The following POLR2D variants were observed in gnomAD, a reference collection of about 807,000 sequenced individuals.
POLR2D encodes RNA polymerase II subunit D.
POLR2D carries 10 observed loss-of-function variants against 17.6 expected under a neutral mutation model. The observed-to-expected ratio is 0.57, with a 90% confidence interval of 0.35 to 0.96. The LOEUF is 0.96. Ranked by LOEUF, POLR2D falls within the 40% of genes least tolerant of loss-of-function variation. The pLI, the probability that POLR2D is intolerant of heterozygous loss-of-function variation, is 0.02. For missense variants in POLR2D, 126 were observed against 176.4 expected (o/e 0.71, Z 1.62); for synonymous variants, 52 against 60.2 (o/e 0.86, Z 0.63).
chr2:127,856,073 A>C (rs1201362115), intron 1 of POLR2D, among the ~76,000 whole-genome samples: 1 of 151,970 alleles, frequency 6.6e-6, no homozygotes. Context: ...ACCTGAGCCC[A>C]GGAGTTCAAG....
intron 1 of POLR2D, among the ~76,000 whole-genome samples, chr2:127,856,021 C>G (rs1435226340): frequency 1.3e-5 from 2 of 152,072 alleles, no homozygotes; most frequent in African/African-American, 4.8e-5. Flanking sequence ...GTGGCTCACA[C>G]CTATACTTTC....
At position 127,843,792 on chromosome 2, in the gene POLR2D, T is replaced by A. The variant is rs561545711; in HGVS notation, c.*4315A>T. 2.0e-5 allele frequency: 3 copies of A among 153,740 alleles called. No homozygotes were observed. The South Asian group carries it at 6.2e-4, about 32-fold the overall frequency. 9.5% of individuals were successfully genotyped at this position (153,740 alleles called of 1,614,324 possible). ...TTAAGTCATGAGAGAATATCCCTCATGAAGGGGATTAATGCCCTTATAAAA... is the reference window on the plus strand; with the variant it reads ...TTAAGTCATGAGAGAATATCCCTCAAGAAGGGGATTAATGCCCTTATAAAA... On this transcript the variant is annotated 3_prime_UTR_variant, in exon 4 of 4. Transcript: ENST00000272645.
intron 3 of POLR2D, among the ~76,000 whole-genome samples, chr2:127,848,745 T>C (rs1235021722): frequency 2.0e-5 from 3 of 152,152 alleles, no homozygotes; most frequent in Non-Finnish European, 2.9e-5. Context: ...CTCGATCTCC[T>C]GACCTCGTGA....
intron 1 of POLR2D, among the ~76,000 whole-genome samples, chr2:127,855,176 C>T (rs1205128690): frequency 6.6e-6 from 1 of 151,924 alleles, no homozygotes; most frequent in Non-Finnish European, 1.5e-5. Context: ...GCAGGTGAAT[C>T]ACCTGAGGTC....
chr2:127,855,900 T>C (rs955474957), intron 1 of POLR2D, among the ~76,000 whole-genome samples: 14 of 152,136 alleles, frequency 9.2e-5, no homozygotes, highest in African/African-American at 2.9e-4. Flanking sequence ...TTAAGAACAA[T>C]GGCCATAATT....
chr2:127,857,107 G>A (rs1228303322), intron 1 of POLR2D: 1 of 152,176 alleles, frequency 6.6e-6, no homozygotes, highest in Non-Finnish European at 1.5e-5. Context: ...AAGCCCAGGA[G>A]TTTGAGACCA....
chr2:127,850,440 CAAAAAA>C (rs60975701), intron 3 of POLR2D, 144 bp downstream of exon 3: 346 of 108,348 alleles, frequency 3.2e-3, no homozygotes, highest in South Asian at 5.3e-3. Flanking sequence ...AACTCCGTCT[CAAAAAA>C]AAAAAAAAAA....
At position 127,845,926 on chromosome 2, in the gene POLR2D, T is replaced by C. The variant is rs1330469331; in HGVS notation, c.*2181A>G. On this transcript the variant is annotated 3_prime_UTR_variant, in exon 4 of 4. Transcript: ENST00000272645. Reference sequence around the variant, plus strand: ...GATACTATTATCCATATTTCACAATTGAGAACACCAATGAGGCTCAAAGAA... The same window carrying C: ...GATACTATTATCCATATTTCACAATCGAGAACACCAATGAGGCTCAAAGAA... 2 of 152,180 alleles carry C rather than the reference T, an allele frequency of 1.3e-5. No homozygotes were observed. The highest frequency in any genetic ancestry group is 2.9e-5 in the Non-Finnish European group (2 of 68,040). 9.4% of individuals were successfully genotyped at this position (152,180 alleles called of 1,614,324 possible).
At chr2:127,851,462 T>G (rs1690252566) in intron 2 of POLR2D, among the ~76,000 whole-genome samples, 1 of 151,274 alleles carries the variant, frequency 6.6e-6, no homozygotes, top group African/African-American at 2.4e-5. Flanking sequence ...GAGGCCAGGC[T>G]TAGCAGCTCA....
rs1307735563 is a variant in POLR2D, at chr2:127,843,853, A to G, written c.*4254T>C. 1.3e-5 allele frequency: 2 copies of G among 153,638 alleles called. No homozygotes were observed. The highest frequency in any genetic ancestry group is 4.8e-5 in the African/African-American group (2 of 41,402). The allele number at this position is 153,638 out of a possible 1,614,324, so 9.5% of individuals were successfully genotyped here. On this transcript the variant is annotated 3_prime_UTR_variant, in exon 4 of 4. Transcript: ENST00000272645. ...GCTGGGTGCAGTGACTCATGCCTCT[A>G]ATCTCAGCATTTGGGAGGCGGAAAC...
In POLR2D at chr2:127,847,030, A is replaced by G. The variant is rs1390022220; in HGVS notation, c.*1077T>C. 1 of 152,666 alleles carries G rather than the reference A, an allele frequency of 6.6e-6. No individual in the cohort carries two copies. Among genetic ancestry groups the G allele is most frequent in the African/African-American group, 2.4e-5 (1 of 41,464 alleles). The allele number at this position is 152,666 out of a possible 1,614,324, so 9.5% of individuals were successfully genotyped here. On this transcript the variant is annotated 3_prime_UTR_variant, in exon 4 of 4. Transcript: ENST00000272645. ...ATACAGCAAATGGGCTGCAGTGAAC[A>G]GTGCACACCTGGTTGTGGACCTCTT...
Position 127,845,111 on chromosome 2 carries a change from C to T in POLR2D, c.*2996G>A, listed in dbSNP as rs77082794. 8,160 of 152,332 alleles carry T rather than the reference C, an allele frequency of 0.054. 260 individuals are homozygous for T. Among genetic ancestry groups the T allele is most frequent in the Non-Finnish European group, 0.081 (5,544 of 68,072 alleles). 9.4% of individuals were successfully genotyped at this position (152,332 alleles called of 1,614,324 possible). Reference sequence around the variant, plus strand: ...CACCAGTAAAGATGGTAGCACCGTGCTCCTCAGTTGCCATCTAGCACACGC... The same window carrying T: ...CACCAGTAAAGATGGTAGCACCGTGTTCCTCAGTTGCCATCTAGCACACGC... On this transcript the variant is annotated 3_prime_UTR_variant, in exon 4 of 4. Transcript: ENST00000272645.
intron 1 of POLR2D, chr2:127,856,761 G>A (rs1168441778): frequency 6.6e-6 from 1 of 151,744 alleles, no homozygotes; most frequent in Non-Finnish European, 1.5e-5. Flanking sequence ...TATTTTGCCA[G>A]GCAATGGCTC....
intron 1 of POLR2D, among the ~76,000 whole-genome samples, chr2:127,855,221 C>T (rs998686257): frequency 1.3e-5 from 2 of 151,764 alleles, no homozygotes. Context: ...GGTGAAACCC[C>T]ATCTCTACTA....
rs1005656829 is a variant in POLR2D, at chr2:127,843,789, T to A, written c.*4318A>T. 2.0e-5 allele frequency: 3 copies of A among 153,544 alleles called. No homozygotes were observed. Among genetic ancestry groups the A allele is most frequent in the African/African-American group, 7.2e-5 (3 of 41,394 alleles). 9.5% of individuals were successfully genotyped at this position (153,544 alleles called of 1,614,324 possible). The stretch of plus-strand genomic sequence containing the variant: ...TGATTAAGTCATGAGAGAATATCCC[T>A]CATGAAGGGGATTAATGCCCTTATA... On this transcript the variant is annotated 3_prime_UTR_variant, in exon 4 of 4. Transcript: ENST00000272645.
chr2:127,854,827 C>T (rs1287484980), intron 1 of POLR2D, among the ~76,000 whole-genome samples: 2 of 152,102 alleles, frequency 1.3e-5, no homozygotes, highest in African/African-American at 4.8e-5. Context: ...GGATTTACTA[C>T]AGTGAGAGCC....
chr2:127,849,862 A>G (rs1690221609), intron 3 of POLR2D, among the ~76,000 whole-genome samples: 1 of 152,072 alleles, frequency 6.6e-6, no homozygotes. Flanking sequence ...CCTGGCCAAC[A>G]CGGTGAAACC....
chr2:127,843,578 G>GT lies in POLR2D; in HGVS notation c.*4528dup, dbSNP rs2104718187. On this transcript the variant is annotated 3_prime_UTR_variant, in exon 4 of 4. Coordinates refer to ENST00000272645, the MANE Select transcript of POLR2D (RefSeq NM_004805.4). ...GCATATTTAGTGCTTTTTATTAACA[G>GT]TATTACTAAGGCAACTCATCGATGC... is the stretch of plus-strand genomic sequence containing the variant. 1 of 152,280 alleles carries GT rather than the reference G, an allele frequency of 6.6e-6. No homozygotes were observed. Among genetic ancestry groups the GT allele is most frequent in the Admixed American group, 6.5e-5 (1 of 15,290 alleles). 9.4% of individuals were successfully genotyped at this position (152,280 alleles called of 1,614,324 possible). A position where few individuals can be genotyped will look rare whatever the true frequency, so the allele number is the denominator to read the frequency against.
intron 1 of POLR2D, among the ~76,000 whole-genome samples, chr2:127,857,301 G>C (rs188077776): frequency 1.3e-5 from 2 of 152,228 alleles, no homozygotes; most frequent in African/African-American, 4.8e-5. Flanking sequence ...CTCAACAAGA[G>C]GGCGAGACCC....
Sources: allele counts gnomAD v4.1 joint callset (sites outside exome capture counted in the v4.1 genomes callset), GRCh38; gene constraint gnomAD v4.1.1; transcripts MANE v1.5; gene names NCBI Gene and HGNC (gene_info 2026-07-23, HGNC 2026-07-21).